NFATC2IP: variants seen among roughly 807,000 people sequenced by gnomAD.
NFATC2IP encodes the protein nuclear factor of activated T cells 2 interacting protein.
A neutral mutation model predicts 40.2 loss-of-function variants in NFATC2IP; 25 were observed. That is an observed-to-expected ratio of 0.62 (90% confidence interval 0.45 to 0.87). The LOEUF is 0.87. Among genes scored for constraint, NFATC2IP ranks in the 40% least tolerant of loss-of-function variants. The pLI is 0.00. For missense variants in NFATC2IP, 553 were observed against 555.6 expected, an observed-to-expected ratio of 1.00 and a Z score of 0.05; for synonymous variants, 241 against 236.3, an observed-to-expected ratio of 1.02 and a Z score of -0.18.
At position 28,958,758 on chromosome 16, in the gene NFATC2IP, C is replaced by T. The variant is rs758132575; in HGVS notation, c.888C>T (p.His296=). 7 of 1,612,588 alleles carry T rather than the reference C, an allele frequency of 4.3e-6. No homozygotes were observed. Among genetic ancestry groups the T allele is most frequent in the Non-Finnish European group, 5.9e-6 (7 of 1,178,730 alleles). The change falls in exon 6 of 8, where the codon CAC becomes CAT. Residue 296 remains histidine (H), a synonymous_variant. Transcript: ENST00000320805. ...GTGTGGTGGACCACATGGCCACCCA[C>T]CTTGGGGTGTCCCCAAGCAGGATCC... is the stretch of plus-strand genomic sequence containing the variant. The part of the protein sequence containing the change: ...LQSVVDHMAT[H]LGVSPSRILL...
Position 28,951,204 on chromosome 16 carries a change from C to G in NFATC2IP, c.193C>G (p.Arg65Gly). The G allele has an allele frequency of 5.2e-6, 8 of 1,536,060 alleles. No homozygotes were observed. The highest frequency in any genetic ancestry group is 7.0e-6 in the Non-Finnish European group (8 of 1,139,028). Residue 65 changes from arginine to glycine, a missense_variant, in exon 1 of 8, where the codon CGC becomes GGC. Arg to Gly is a moderately radical substitution (Grantham distance 125). Transcript: ENST00000320805. ...GGAAATTCTGGAGGTCGCCACCGCT[C>G]GCGGTGCCGCGGACGAGGTTGAGGT... ...DEEILEVATA[R>G]GAADEVEVEP...
intron 7 of NFATC2IP, 109 bp from the exon 8 acceptor site, chr16:28,963,596 T>C: frequency 2.1e-6 from 2 of 935,488 alleles, no homozygotes; most frequent in East Asian, 4.9e-5. Flanking sequence ...CTGACTTTAT[T>C]GTTTCCGCCC....
intron 7 of NFATC2IP, among the ~76,000 whole-genome samples, chr16:28,960,409 C>T (rs1158394809): frequency 6.6e-6 from 1 of 152,116 alleles, no homozygotes; most frequent in Non-Finnish European, 1.5e-5. Context: ...CTTAACCCAT[C>T]CCAGCATCAA....
rs569420070 is a variant in NFATC2IP, at chr16:28,965,504, C to G, written c.*1641C>G. On this transcript the variant is annotated 3_prime_UTR_variant, in exon 8 of 8. Transcript: ENST00000320805. The stretch of plus-strand genomic sequence containing the variant: ...GGGCAGGAGATTGAGACCCTCCTGG[C>G]CAACATGGTGAAACCCCGTCTCTAC... 6.6e-6 allele frequency: 1 copy of G among 152,226 alleles called. No individual in the cohort carries two copies. Among genetic ancestry groups the G allele is most frequent in the South Asian group, 2.1e-4 (1 of 4,820 alleles). 9.4% of individuals were successfully genotyped at this position (152,226 alleles called of 1,614,324 possible).
Position 28,964,699 on chromosome 16 carries a change from T to C in NFATC2IP, c.*836T>C, listed in dbSNP as rs567211870. 88 of 152,486 alleles carry C rather than the reference T, an allele frequency of 5.8e-4. 1 individual carries two copies. Among genetic ancestry groups the C allele is most frequent in the African/African-American group, 1.9e-3 (77 of 41,590 alleles). 9.4% of individuals were successfully genotyped at this position (152,486 alleles called of 1,614,324 possible). ...CGTTTCATGTGTGAATATGTGCTTTTACTGTACATAGTGCTATTGTGCAAT... is the reference window on the plus strand; with the variant it reads ...CGTTTCATGTGTGAATATGTGCTTTCACTGTACATAGTGCTATTGTGCAAT... On this transcript the variant is annotated 3_prime_UTR_variant, in exon 8 of 8. Coordinates refer to ENST00000320805, the MANE Select transcript of NFATC2IP (RefSeq NM_032815.4).
chr16:28,951,356 G>T lies in NFATC2IP; in HGVS notation c.345G>T (p.Leu115=). ...EPVRRRRRLV[L]DPGEAPLVPV... ...TCAGGCGGCGGCGGCGGCTGGTGCT[G>T]GATCCGGGGGAGGCGCCGCTGGTTC... The change falls in exon 1 of 8, where the codon CTG becomes CTT. Residue 115 remains leucine, a synonymous_variant. Transcript: ENST00000320805. 1 of 1,413,232 alleles carries T rather than the reference G, an allele frequency of 7.1e-7. No homozygotes were observed. Among genetic ancestry groups the T allele is most frequent in the Non-Finnish European group, 9.2e-7 (1 of 1,085,590 alleles). The allele number at this position is 1,413,232 out of a possible 1,614,324, so 87.5% of individuals were successfully genotyped here. A position where few individuals can be genotyped will look rare whatever the true frequency, so the allele number is the denominator to read the frequency against.
At position 28,954,741 on chromosome 16, in the gene NFATC2IP, G is replaced by A. The variant is rs768938381; in HGVS notation, c.578+59G>A. The stretch of plus-strand genomic sequence containing the variant: ...CAGGAAGTGAGTTGGAGGGGTAAGC[G>A]GAGGCAGGCAGGACTCTTGGGTGAC... On this transcript the variant is annotated intron_variant, in intron 3 of 7. Coordinates refer to ENST00000320805, the MANE Select transcript of NFATC2IP (RefSeq NM_032815.4). 3.3e-5 allele frequency: 35 copies of A among 1,055,224 alleles called. 2 individuals are homozygous for A. The highest frequency in any genetic ancestry group is 2.1e-4 in the Middle Eastern group (1 of 4,762). 65.4% of individuals were successfully genotyped at this position (1,055,224 alleles called of 1,614,324 possible).
At chr16:28,958,432 T>C (rs1359305403) in intron 5 of NFATC2IP, 4 of 318,600 alleles carry the variant, frequency 1.3e-5, no homozygotes, top group East Asian at 6.1e-5. Flanking sequence ...CAGCTGGAGC[T>C]GCGTAACAGC....
chr16:28,964,267 G>T lies in NFATC2IP; in HGVS notation c.*404G>T, dbSNP rs528835047. On this transcript the variant is annotated 3_prime_UTR_variant, in exon 8 of 8. Coordinates refer to ENST00000320805, the MANE Select transcript of NFATC2IP (RefSeq NM_032815.4). ...CTTCCAGGCCTGGGATTTACACCACGCCTAGCCCAGCAGAGGCCTTAGTCC... is the reference window on the plus strand; with the variant it reads ...CTTCCAGGCCTGGGATTTACACCACTCCTAGCCCAGCAGAGGCCTTAGTCC... The T allele has an allele frequency of 2.1e-5, 4 of 186,282 alleles. No homozygotes were observed. In the East Asian group the frequency reaches 5.1e-4, roughly 24 times the overall value. 11.5% of individuals were successfully genotyped at this position (186,282 alleles called of 1,614,324 possible). A position where few individuals can be genotyped will look rare whatever the true frequency, so the allele number is the denominator to read the frequency against.
chr16:28,951,360 C>T lies in NFATC2IP; in HGVS notation c.349C>T (p.Pro117Ser), dbSNP rs1168794128. The change falls in exon 1 of 8, where the codon CCG becomes TCG. Residue 117 changes from proline (P) to serine (S), a missense_variant. Coordinates refer to ENST00000320805, the MANE Select transcript of NFATC2IP (RefSeq NM_032815.4). ...GCGGCGGCGGCGGCTGGTGCTGGAT[C>T]CGGGGGAGGCGCCGCTGGTTCCGGT... ...VRRRRRLVLD[P>S]GEAPLVPVYS... 2.5e-5 allele frequency: 35 copies of T among 1,408,166 alleles called. No individual in the cohort carries two copies. The highest frequency in any genetic ancestry group is 2.9e-5 in the East Asian group (1 of 34,864). 87.2% of individuals were successfully genotyped at this position (1,408,166 alleles called of 1,614,324 possible). A position where few individuals can be genotyped will look rare whatever the true frequency, so the allele number is the denominator to read the frequency against.
chr16:28,955,952 C>T lies in NFATC2IP; in HGVS notation c.579-26C>T, dbSNP rs367764660. Reference sequence around the variant, plus strand: ...GGGGCCAGTCTCTCTCCATTGCCTCCGTCCTGCTGTCTCTTGCTTCTACAG... The same window carrying T: ...GGGGCCAGTCTCTCTCCATTGCCTCTGTCCTGCTGTCTCTTGCTTCTACAG... On this transcript the variant is annotated intron_variant, in intron 3 of 7. Transcript: ENST00000320805. 5.9e-5 allele frequency: 93 copies of T among 1,570,606 alleles called. No homozygotes were observed. In the African/African-American group the frequency reaches 8.8e-4, roughly 15 times the overall value.
chr16:28,953,185 C>T lies in NFATC2IP; in HGVS notation c.460+981C>T, dbSNP rs556699448. Among the ~76,000 whole-genome samples the T allele has an allele frequency of 6.6e-5, 10 of 152,274 alleles. No homozygotes were observed. In the South Asian group the frequency reaches 2.1e-3, roughly 32 times the overall value. The stretch of plus-strand genomic sequence containing the variant: ...CATCTCCCAGGTTGAAGCCATTCTC[C>T]TGCCTCAGCCTCCCGAGTAGCAGGG... On this transcript the variant is annotated intron_variant, in intron 2 of 7. Coordinates refer to ENST00000320805, the MANE Select transcript of NFATC2IP (RefSeq NM_032815.4).
chr16:28,962,862 T>C (rs1191039958), intron 7 of NFATC2IP, among the ~76,000 whole-genome samples: 1 of 152,172 alleles, frequency 6.6e-6, no homozygotes, highest in South Asian at 2.1e-4. Flanking sequence ...TCTCCCCTCA[T>C]GTCTGTTTCT....
intron 7 of NFATC2IP, among the ~76,000 whole-genome samples, chr16:28,962,844 A>G (rs1305442003): frequency 6.6e-6 from 1 of 151,940 alleles, no homozygotes; most frequent in Non-Finnish European, 1.5e-5. Context: ...CTCTGTCATC[A>G]CGTGTGTTCT....
chr16:28,961,133 G>A (rs1965081251), intron 7 of NFATC2IP, among the ~76,000 whole-genome samples: 1 of 151,854 alleles, frequency 6.6e-6, no homozygotes, highest in African/African-American at 2.4e-5. Context: ...TTCAAGACCA[G>A]CCCGGGCAAC....
intron 2 of NFATC2IP, chr16:28,952,417 T>TTCTG (rs1190130109): frequency 9.9e-6 from 7 of 706,130 alleles, no homozygotes; most frequent in Non-Finnish European, 1.6e-5. Context: ...GAGATGCTGA[T>TTCTG]TCTGTAGTCC....
rs1440940036 is a variant in NFATC2IP at position 28,965,050 on chromosome 16, T to G, written c.*1187T>G. The G allele has an allele frequency of 1.3e-5, 2 of 152,228 alleles. No individual in the cohort carries two copies. Among genetic ancestry groups the G allele is most frequent in the Admixed American group, 1.3e-4 (2 of 15,276 alleles). 9.4% of individuals were successfully genotyped at this position (152,228 alleles called of 1,614,324 possible). A position where few individuals can be genotyped will look rare whatever the true frequency, so the allele number is the denominator to read the frequency against. On this transcript the variant is annotated 3_prime_UTR_variant, in exon 8 of 8. Coordinates refer to ENST00000320805, the MANE Select transcript of NFATC2IP (RefSeq NM_032815.4). The stretch of plus-strand genomic sequence containing the variant: ...CTGACCCTCCTACTTGAGGCCGCCC[T>G]TTTCTCCTTATCCTTGCCAGCACTT...
chr16:28,954,914 T>A (rs1138309), intron 3 of NFATC2IP, among the ~76,000 whole-genome samples: 2,273 of 152,190 alleles, frequency 0.015, 50 homozygotes, highest in African/African-American at 0.051. Flanking sequence ...ACCCTAGTAA[T>A]GTGAGCTTAA....
chr16:28,959,289 A>T (rs765374401), intron 7 of NFATC2IP, among the ~76,000 whole-genome samples, 189 bp downstream of exon 7: 9 of 152,048 alleles, frequency 5.9e-5, no homozygotes, highest in Non-Finnish European at 1.2e-4. Context: ...CCCCGCTTCT[A>T]CTGGTACCCT....
Sources: gnomAD v4.1 joint callset for allele counts (sites outside exome capture counted in the v4.1 genomes callset) on GRCh38, gnomAD v4.1.1 for gene constraint, MANE v1.5 for transcripts, NCBI Gene and HGNC (gene_info 2026-07-23, HGNC 2026-07-21) for gene names.